COG5: variants seen among roughly 807,000 people sequenced by gnomAD.
The protein encoded by COG5 is component of oligomeric golgi complex 5.
Under a neutral mutation model 110.4 loss-of-function variants are expected in COG5, and 86 were observed. The observed-to-expected ratio is 0.78, with a 90% CI of 0.65 to 0.93. The LOEUF (loss-of-function observed/expected upper bound fraction) is 0.93. Among genes scored for constraint, COG5 ranks in the 40% least tolerant of loss-of-function variants. The pLI, the probability that COG5 is intolerant of heterozygous loss-of-function variation, is 0.00. For missense variants in COG5, 1,077 were observed against 987.0 expected (o/e 1.09, Z -1.22); for synonymous variants, 360 against 334.6 (o/e 1.08, Z -0.83).
At chr7:107,410,752 T>A (rs1289298498) in intron 7 of COG5, among the ~76,000 whole-genome samples, 3 of 152,112 alleles carry the variant, frequency 2.0e-5, no homozygotes, top group Non-Finnish European at 4.4e-5. Context: ...AACAGATTGA[T>A]GTTTTAGGTT....
At chr7:107,415,791 T>C (rs532564737) in intron 6 of COG5, among the ~76,000 whole-genome samples, 1 of 127,540 alleles carries the variant, frequency 7.8e-6, no homozygotes, top group African/African-American at 2.7e-5. Context: ...CATACACGTA[T>C]GTATGTATGT....
Position 107,555,458 on chromosome 7 carries a change from C to T in COG5, c.235-1116G>A, listed in dbSNP as rs191510072. 2.6e-5 allele frequency among the ~76,000 whole-genome samples: 4 copies of T among 152,312 alleles called. No homozygotes were observed. The East Asian group carries it at 7.7e-4, about 29-fold the overall frequency. ...CACTGTCATTCTGTCAAGTTTCTTT[C>T]TATCATATCTACTCAAAGTATTACT... On this transcript the variant is annotated intron_variant, in intron 2 of 21. Coordinates refer to ENST00000297135, the MANE Select transcript of COG5 (RefSeq NM_006348.5).
intron 19 of COG5, among the ~76,000 whole-genome samples, chr7:107,216,154 G>A (rs1170993568): frequency 2.0e-5 from 3 of 152,128 alleles, no homozygotes; most frequent in African/African-American, 7.2e-5. Context: ...ATAAAAAAAG[G>A]CAAAGAAAGT....
intron 19 of COG5, among the ~76,000 whole-genome samples, chr7:107,215,589 G>A (rs187989493): frequency 0.16 from 24,421 of 151,526 alleles, 2,297 homozygotes; most frequent in Non-Finnish European, 0.22. Context: ...GCGTGAACCC[G>A]GGAGGCAGAG....
intron 7 of COG5, among the ~76,000 whole-genome samples, chr7:107,412,087 T>G (rs1204462231): frequency 6.6e-6 from 1 of 152,094 alleles, no homozygotes; most frequent in African/African-American, 2.4e-5. Context: ...CTAAATAATT[T>G]ACTAGCTATG....
intron 11 of COG5, among the ~76,000 whole-genome samples, chr7:107,315,198 T>C (rs1808623599): frequency 6.6e-6 from 1 of 152,092 alleles, no homozygotes. Flanking sequence ...TCATATAGTT[T>C]GTTTTATCTC....
chr7:107,253,019 A>C (rs1022898500), intron 16 of COG5: 1 of 152,210 alleles, frequency 6.6e-6, no homozygotes, highest in Non-Finnish European at 1.5e-5. Context: ...CCCCCAGGTC[A>C]GAAACAAGTA....
At chr7:107,527,086 T>C in intron 6 of COG5, 151 bp downstream of exon 6, 1 of 601,798 alleles carries the variant, frequency 1.7e-6, no homozygotes, top group Non-Finnish European at 2.8e-6. Context: ...TTACTCATTC[T>C]GAGAAGTGTT....
At chr7:107,410,508 T>C (rs1019105761) in intron 7 of COG5, among the ~76,000 whole-genome samples, 1 of 152,132 alleles carries the variant, frequency 6.6e-6, no homozygotes, top group African/African-American at 2.4e-5. Context: ...GATGGCAGGA[T>C]CTCGGCTCAC....
intron 5 of COG5, among the ~76,000 whole-genome samples, chr7:107,538,929 A>G (rs1584945994): frequency 6.6e-6 from 1 of 152,208 alleles, no homozygotes; most frequent in Non-Finnish European, 1.5e-5. Flanking sequence ...ATTTGACCAT[A>G]TAAGTAAAGA....
At chr7:107,547,852 C>A in intron 5 of COG5, 1 of 436,184 alleles carries the variant, frequency 2.3e-6, no homozygotes, top group Non-Finnish European at 4.1e-6. Context: ...ACATTGAAAG[C>A]TATAAAACAT....
intron 6 of COG5, among the ~76,000 whole-genome samples, chr7:107,429,602 T>C (rs1793875230): frequency 6.6e-6 from 1 of 152,116 alleles, no homozygotes; most frequent in Non-Finnish European, 1.5e-5. Context: ...ATTTTTTAGT[T>C]GGTGATATGG....
At chr7:107,345,057 G>T (rs1409555045) in intron 10 of COG5, among the ~76,000 whole-genome samples, 1 of 152,126 alleles carries the variant, frequency 6.6e-6, no homozygotes, top group Admixed American at 6.6e-5. Flanking sequence ...TCACTGTAGG[G>T]TTATTAATTG....
intron 5 of COG5, among the ~76,000 whole-genome samples, chr7:107,545,225 C>G (rs1802324169): frequency 1.3e-5 from 2 of 152,018 alleles, no homozygotes; most frequent in South Asian, 4.1e-4. Context: ...AAAATAATAA[C>G]AAAAATTCCC....
chr7:107,370,766 AC>A (rs1814075799), intron 8 of COG5, among the ~76,000 whole-genome samples: 1 of 146,400 alleles, frequency 6.8e-6, no homozygotes. Flanking sequence ...AGCTTGGGTG[AC>A]CAGAAACTCC....
intron 6 of COG5, among the ~76,000 whole-genome samples, chr7:107,478,494 A>G (rs774705463): frequency 7.2e-5 from 11 of 151,960 alleles, no homozygotes; most frequent in Non-Finnish European, 1.5e-4. Context: ...TTAAATGGAA[A>G]ATTCCAGAAA....
At chr7:107,278,242 CCCTT>C (rs537270358) in intron 14 of COG5, among the ~76,000 whole-genome samples, 17 of 151,946 alleles carry the variant, frequency 1.1e-4, no homozygotes, top group Admixed American at 2.0e-4. Context: ...TTCCTTCCTT[CCCTT>C]CCTTCCTTTC....
intron 2 of COG5, among the ~76,000 whole-genome samples, chr7:107,555,663 TG>T (rs2129177882): frequency 6.6e-6 from 1 of 152,340 alleles, no homozygotes; most frequent in South Asian, 2.1e-4. Flanking sequence ...TATAGTTTCA[TG>T]GACTCCCTTG....
At chr7:107,486,895 T>C (rs548632828) in intron 6 of COG5, among the ~76,000 whole-genome samples, 3 of 152,306 alleles carry the variant, frequency 2.0e-5, no homozygotes, top group South Asian at 4.1e-4. Context: ...GTTCACATTA[T>C]AGTCTATGTG....
Sources: gnomAD v4.1 joint callset for allele counts (sites outside exome capture counted in the v4.1 genomes callset) on GRCh38, gnomAD v4.1.1 for gene constraint, MANE v1.5 for transcripts, NCBI Gene and HGNC (gene_info 2026-07-23, HGNC 2026-07-21) for gene names.